The following MAP7 variants were observed in gnomAD, a reference collection of about 807,000 sequenced individuals.
The protein encoded by MAP7 is microtubule associated protein 7.
Under a neutral mutation model 94.8 loss-of-function variants are expected in MAP7, and 52 were observed. The ratio of observed to expected loss-of-function variants is 0.55; its 90% confidence interval spans 0.44 to 0.69. The LOEUF is 0.69. Among genes scored for constraint, MAP7 ranks in the 30% least tolerant of loss-of-function variants. The pLI is 0.00. For missense variants in MAP7, 940 were observed against 964.6 expected, an observed-to-expected ratio of 0.97 and a Z score of 0.34; for synonymous variants, 350 against 357.0, an observed-to-expected ratio of 0.98 and a Z score of 0.22.
intron 2 of MAP7, among the ~76,000 whole-genome samples, chr6:136,415,561 T>C (rs1207948358): frequency 1.3e-5 from 2 of 152,194 alleles, no homozygotes; most frequent in South Asian, 2.1e-4. Flanking sequence ...AATGAGGCAA[T>C]GCCCGATTGT....
chr6:136,489,220 G>A (rs1307983557), intron 1 of MAP7, among the ~76,000 whole-genome samples: 1 of 151,996 alleles, frequency 6.6e-6, no homozygotes, highest in Non-Finnish European at 1.5e-5. Flanking sequence ...CTGTTGGGGG[G>A]AAGGGGAACC....
intron 6 of MAP7, 128 bp downstream of exon 6, chr6:136,383,543 A>G (rs1339653055): frequency 1.3e-5 from 7 of 522,274 alleles, no homozygotes; most frequent in South Asian, 6.3e-5. Flanking sequence ...TTTACTCTGA[A>G]GTTTTTTTCT....
chr6:136,548,104 C>G (rs1385363152), intron 1 of MAP7, among the ~76,000 whole-genome samples: 2 of 129,576 alleles, frequency 1.5e-5, no homozygotes, highest in Non-Finnish European at 3.3e-5. Context: ...ACCACCCCCC[C>G]CCACCCCCCC....
chr6:136,483,771 A>G (rs1813701433), intron 1 of MAP7, among the ~76,000 whole-genome samples: 1 of 152,184 alleles, frequency 6.6e-6, no homozygotes, highest in Non-Finnish European at 1.5e-5. Context: ...TCCCTTCTCC[A>G]TTTCTATTAC....
At chr6:136,503,373 T>G (rs1457986918) in intron 1 of MAP7, among the ~76,000 whole-genome samples, 2 of 139,148 alleles carry the variant, frequency 1.4e-5, no homozygotes, top group African/African-American at 2.7e-5. Context: ...AAAAGAAGAA[T>G]CTGTCCAAAC....
rs150850703 is a variant in MAP7, at chr6:136,422,832, G to A, written c.68-1033C>T. Among the ~76,000 whole-genome samples the A allele has an allele frequency of 4.4e-3, 667 of 152,268 alleles. 6 individuals carry two copies. Among genetic ancestry groups the A allele is most frequent in the African/African-American group, 0.015 (636 of 41,556 alleles). On this transcript the variant is annotated intron_variant, in intron 1 of 17. Coordinates refer to ENST00000354570, the MANE Select transcript of MAP7 (RefSeq NM_003980.6). Reference sequence around the variant, plus strand: ...TCTAAAGTTTTCAGGCCATCTCTCTGCTTTCATATCAGTCTTTTTCTTCTT... The same window carrying A: ...TCTAAAGTTTTCAGGCCATCTCTCTACTTTCATATCAGTCTTTTTCTTCTT...
chr6:136,443,640 G>T (rs1329620922), intron 1 of MAP7, among the ~76,000 whole-genome samples: 6 of 151,784 alleles, frequency 4.0e-5, no homozygotes, highest in South Asian at 2.1e-4. Flanking sequence ...TAGTAGAGGG[G>T]TTTTTCCCCA....
At chr6:136,361,976 A>T (rs1394520772) in intron 11 of MAP7, among the ~76,000 whole-genome samples, 1 of 152,250 alleles carries the variant, frequency 6.6e-6, no homozygotes, top group Non-Finnish European at 1.5e-5. Context: ...GTAAATATGT[A>T]TATGTATGTA....
At chr6:136,464,114 T>C (rs1806139908) in intron 1 of MAP7, among the ~76,000 whole-genome samples, 1 of 152,222 alleles carries the variant, frequency 6.6e-6, no homozygotes, top group Non-Finnish European at 1.5e-5. Flanking sequence ...TGAAATTATC[T>C]TTCTGGAGTA....
chr6:136,515,025 C>T (rs937823862), intron 1 of MAP7, among the ~76,000 whole-genome samples: 6 of 152,232 alleles, frequency 3.9e-5, no homozygotes, highest in Non-Finnish European at 8.8e-5. Context: ...TCCATTGAAA[C>T]TCTGTTGTTT....
chr6:136,431,798 G>A (rs6932415), intron 1 of MAP7, among the ~76,000 whole-genome samples: 12,127 of 152,212 alleles, frequency 0.08, 609 homozygotes, highest in South Asian at 0.27. Flanking sequence ...GATTACAGGC[G>A]TGAGCCACTG....
chr6:136,434,298 C>T (rs560266779), intron 1 of MAP7, among the ~76,000 whole-genome samples: 6 of 142,948 alleles, frequency 4.2e-5, no homozygotes, highest in African/African-American at 1.6e-4. Flanking sequence ...CAGAGCAAGA[C>T]TCCGTCTCAA....
intron 10 of MAP7, chr6:136,364,583 C>T (rs1206527060): frequency 4.8e-6 from 1 of 206,672 alleles, no homozygotes; most frequent in African/African-American, 2.4e-5. Context: ...TAGTGACTTG[C>T]TTCTACTTAA....
chr6:136,401,955 G>A (rs1380700291), intron 3 of MAP7, among the ~76,000 whole-genome samples: 1 of 151,928 alleles, frequency 6.6e-6, no homozygotes, highest in Non-Finnish European at 1.5e-5. Flanking sequence ...CACATTAGTC[G>A]TCTCAGAGAT....
At chr6:136,421,097 G>A (rs1350615348) in intron 2 of MAP7, among the ~76,000 whole-genome samples, 2 of 152,168 alleles carry the variant, frequency 1.3e-5, no homozygotes, top group Non-Finnish European at 1.5e-5. Flanking sequence ...CGGTTCAATT[G>A]TTTGTATTAT....
At chr6:136,366,791 T>C (rs1794440599) in intron 8 of MAP7, among the ~76,000 whole-genome samples, 1 of 152,142 alleles carries the variant, frequency 6.6e-6, no homozygotes, top group African/African-American at 2.4e-5. Context: ...ATGTCAAATG[T>C]TACTTTCATT....
intron 1 of MAP7, among the ~76,000 whole-genome samples, chr6:136,519,372 C>A (rs114119657): frequency 3.7e-4 from 57 of 152,174 alleles, no homozygotes; most frequent in African/African-American, 1.3e-3. Flanking sequence ...CCCTAAAATG[C>A]CACACATAAG....
intron 1 of MAP7, among the ~76,000 whole-genome samples, chr6:136,448,854 CAATT>C (rs971246219): frequency 2.6e-5 from 4 of 151,998 alleles, no homozygotes; most frequent in East Asian, 1.9e-4. Context: ...GGGAAAAAAA[CAATT>C]AATATTTTAT....
At chr6:136,415,615 T>C (rs1789138229) in intron 2 of MAP7, among the ~76,000 whole-genome samples, 1 of 152,078 alleles carries the variant, frequency 6.6e-6, no homozygotes. Flanking sequence ...TGAATGTATA[T>C]TCTGAAAATA....
Sources: allele counts gnomAD v4.1 joint callset (sites outside exome capture counted in the v4.1 genomes callset), GRCh38; gene constraint gnomAD v4.1.1; transcripts MANE v1.5; gene names NCBI Gene and HGNC (gene_info 2026-07-23, HGNC 2026-07-21).